Variants in GABRB1 observed in about 807,000 individuals in gnomAD.
The protein encoded by GABRB1 is gamma-aminobutyric acid type A receptor subunit beta1.
Under a neutral mutation model 51.6 loss-of-function variants are expected in GABRB1, and 17 were observed. The ratio of observed to expected loss-of-function variants is 0.33; its 90% CI spans 0.23 to 0.49. The LOEUF is 0.49. GABRB1 is among the 20% of genes least tolerant of loss of function. GABRB1 has a pLI of 0.99. For synonymous variants in GABRB1, 247 were observed against 218.9 expected (o/e 1.13, Z -1.14); for missense variants, 410 against 600.6 (o/e 0.68, Z 3.32).
chr4:47,353,926 C>T (rs542178136), intron 5 of GABRB1, among the ~76,000 whole-genome samples: 2 of 151,978 alleles, frequency 1.3e-5, no homozygotes, highest in Admixed American at 1.3e-4. Flanking sequence ...ATTTCCCTGC[C>T]AACATACACA....
intron 3 of GABRB1, among the ~76,000 whole-genome samples, chr4:47,100,372 A>T (rs1262172772): frequency 6.6e-6 from 1 of 152,094 alleles, no homozygotes; most frequent in South Asian, 2.1e-4. Flanking sequence ...GGGAGAAAGA[A>T]GTCAAGAAAG....
At chr4:47,087,437 G>A (rs902826654) in intron 3 of GABRB1, among the ~76,000 whole-genome samples, 7 of 152,170 alleles carry the variant, frequency 4.6e-5, no homozygotes, top group Non-Finnish European at 8.8e-5. Context: ...GCTTGCTGCC[G>A]CCTTGCCTGC....
intron 4 of GABRB1, among the ~76,000 whole-genome samples, chr4:47,244,419 C>T (rs917176861): frequency 6.6e-6 from 1 of 152,058 alleles, no homozygotes; most frequent in African/African-American, 2.4e-5. Context: ...GAGAGGATTC[C>T]CTCTTTTTCT....
chr4:47,190,316 T>C (rs1363404453), intron 4 of GABRB1, among the ~76,000 whole-genome samples: 2 of 152,154 alleles, frequency 1.3e-5, no homozygotes, highest in African/African-American at 4.8e-5. Context: ...TGTTCTCTGC[T>C]AACCATACCC....
At chr4:47,268,299 C>G (rs377487266) in intron 4 of GABRB1, among the ~76,000 whole-genome samples, 34 of 152,172 alleles carry the variant, frequency 2.2e-4, no homozygotes, top group African/African-American at 7.9e-4. Context: ...GTTAGACACC[C>G]TGTTGATGTC....
At chr4:47,126,359 A>G (rs569041896) in intron 3 of GABRB1, among the ~76,000 whole-genome samples, 46 of 152,312 alleles carry the variant, frequency 3.0e-4, no homozygotes, top group African/African-American at 1.1e-3. Flanking sequence ...TGGTGACTAT[A>G]GTTAATAATA....
chr4:47,272,641 C>T (rs1722917166), intron 4 of GABRB1, among the ~76,000 whole-genome samples: 1 of 152,040 alleles, frequency 6.6e-6, no homozygotes. Context: ...ATGTCAAATA[C>T]TTTAGGTATT....
chr4:47,216,741 T>C (rs1236385892), intron 4 of GABRB1, among the ~76,000 whole-genome samples: 1 of 151,856 alleles, frequency 6.6e-6, no homozygotes, highest in Non-Finnish European at 1.5e-5. Context: ...CAATAATATG[T>C]TTGCAATAAG....
At chr4:47,365,503 C>G (rs17600511) in intron 5 of GABRB1, among the ~76,000 whole-genome samples, 7,164 of 152,126 alleles carry the variant, frequency 0.047, 257 homozygotes, top group South Asian at 0.15. Flanking sequence ...TTAGCAACAC[C>G]AGGAAGATTG....
chr4:47,262,555 A>G (rs1722482349), intron 4 of GABRB1, among the ~76,000 whole-genome samples: 1 of 152,142 alleles, frequency 6.6e-6, no homozygotes, highest in African/African-American at 2.4e-5. Flanking sequence ...CAGGTGCTGG[A>G]GAGGATGTGG....
intron 4 of GABRB1, among the ~76,000 whole-genome samples, chr4:47,250,185 G>C (rs1721930644): frequency 6.6e-6 from 1 of 152,088 alleles, no homozygotes; most frequent in African/African-American, 2.4e-5. Flanking sequence ...GTCTGAAAAA[G>C]ATTGTATCTT....
intron 4 of GABRB1, among the ~76,000 whole-genome samples, chr4:47,303,596 T>C (rs917436399): frequency 7.9e-5 from 12 of 151,994 alleles, no homozygotes; most frequent in African/African-American, 2.2e-4. Flanking sequence ...AGATCAGATT[T>C]ATTTAAAGTT....
At chr4:47,124,150 A>G (rs1716004403) in intron 3 of GABRB1, among the ~76,000 whole-genome samples, 1 of 151,166 alleles carries the variant, frequency 6.6e-6, no homozygotes, top group African/African-American at 2.4e-5. Flanking sequence ...CTTATAGATC[A>G]TTTGAGAAAA....
chr4:47,389,125 T>A (rs944214633), intron 5 of GABRB1, among the ~76,000 whole-genome samples: 18 of 152,314 alleles, frequency 1.2e-4, no homozygotes, highest in Admixed American at 1.0e-3. Context: ...GGAAGTCACA[T>A]CAAGTAATTT....
intron 3 of GABRB1, among the ~76,000 whole-genome samples, chr4:47,068,599 A>C (rs1727182854): frequency 6.6e-6 from 1 of 152,212 alleles, no homozygotes; most frequent in African/African-American, 2.4e-5. Context: ...CAAGATGAGG[A>C]AACAGCTTGT....
intron 3 of GABRB1, among the ~76,000 whole-genome samples, chr4:47,134,312 A>C (rs1402515876): frequency 6.6e-6 from 1 of 152,150 alleles, no homozygotes; most frequent in Non-Finnish European, 1.5e-5. Flanking sequence ...AGATAATTGC[A>C]CCCTCTATTT....
At chr4:47,376,438 A>T (rs1727379741) in intron 5 of GABRB1, among the ~76,000 whole-genome samples, 1 of 152,172 alleles carries the variant, frequency 6.6e-6, no homozygotes, top group Non-Finnish European at 1.5e-5. Flanking sequence ...CGAGATCAGG[A>T]GATCGAGACC....
intron 4 of GABRB1, among the ~76,000 whole-genome samples, chr4:47,235,651 C>G (rs1721307005): frequency 6.6e-6 from 1 of 151,950 alleles, no homozygotes; most frequent in Admixed American, 6.6e-5. Context: ...TATCAGAAAC[C>G]TGAAGATAAG....
At chr4:47,155,885 A>G (rs1225921397) in intron 3 of GABRB1, among the ~76,000 whole-genome samples, 1 of 143,976 alleles carries the variant, frequency 6.9e-6, no homozygotes, top group Non-Finnish European at 1.5e-5. Flanking sequence ...ACATTTTTAA[A>G]TCTTTTACTC....
Sources: gnomAD v4.1 joint callset for allele counts (sites outside exome capture counted in the v4.1 genomes callset) on GRCh38, gnomAD v4.1.1 for gene constraint, MANE v1.5 for transcripts, NCBI Gene and HGNC (gene_info 2026-07-23, HGNC 2026-07-21) for gene names.